HMCN1: variants seen among roughly 807,000 people sequenced by gnomAD.
The protein encoded by HMCN1 is hemicentin-1.
Under a neutral mutation model 625.9 loss-of-function variants are expected in HMCN1, and 321 were observed. That is an observed-to-expected ratio of 0.51 (90% CI 0.47 to 0.56). The LOEUF is 0.56. Ranked by LOEUF, HMCN1 falls within the 20% of genes least tolerant of loss-of-function variation. The probability of loss-of-function intolerance (pLI) is 0.00; values close to 1 mark genes in which losing one functional copy is unlikely to be tolerated. For synonymous variants in HMCN1, 2,425 were observed against 2,417.6 expected (o/e 1.00, Z -0.09); for missense variants, 6,588 against 6,887.3 (o/e 0.96, Z 1.54).
Position 186,130,490 on chromosome 1 carries a change from C to A in HMCN1, c.13040-17C>A, listed in dbSNP as rs188408113. 6.2e-7 allele frequency: 1 copy of A among 1,609,288 alleles called. No homozygotes were observed. The highest frequency in any genetic ancestry group is 1.7e-5 in the Admixed American group (1 of 59,894). On this transcript the variant is annotated splice_polypyrimidine_tract_variant and intron_variant, in intron 84 of 106. Coordinates refer to ENST00000271588, the MANE Select transcript of HMCN1 (RefSeq NM_031935.3). Reference sequence around the variant, plus strand: ...GCACTTACTTTTACTTTGTACCTGTCTTATGTTGTTTTCCAGAACCTCCAG... The same window carrying A: ...GCACTTACTTTTACTTTGTACCTGTATTATGTTGTTTTCCAGAACCTCCAG...
chr1:185,984,861 A>G (rs2102011203), intron 19 of HMCN1, among the ~76,000 whole-genome samples: 2 of 152,298 alleles, frequency 1.3e-5, no homozygotes, highest in South Asian at 4.1e-4. Context: ...TTACATCTCA[A>G]TAATTGACAG....
chr1:186,019,719 T>G, intron 35 of HMCN1, 24 bp downstream of exon 35: 1 of 1,595,416 alleles, frequency 6.3e-7, no homozygotes, highest in Non-Finnish European at 8.6e-7. Context: ...TTACTCAGCC[T>G]AAACTGGGAA....
In HMCN1 at chr1:186,118,612, A is replaced by T. The variant is rs112306241; in HGVS notation, c.11849-579A>T. On this transcript the variant is annotated intron_variant, in intron 77 of 106. Coordinates refer to ENST00000271588, the MANE Select transcript of HMCN1 (RefSeq NM_031935.3). ...AGTGGAAACAATTCAAATGTCCATC[A>T]GCTGATAAATGGATAAATAAAATGT... Among the ~76,000 whole-genome samples the T allele has an allele frequency of 6.8e-3, 1,032 of 152,356 alleles. 7 individuals carry two copies. The highest frequency in any genetic ancestry group is 0.012 in the Non-Finnish European group (811 of 68,024).
intron 102 of HMCN1, among the ~76,000 whole-genome samples, chr1:186,174,075 G>T (rs909859277): frequency 6.6e-6 from 1 of 152,170 alleles, no homozygotes; most frequent in African/African-American, 2.4e-5. Context: ...AGGGGAGTAA[G>T]GTTAAGGCAT....
chr1:185,826,426 C>T (rs766337364), intron 1 of HMCN1, among the ~76,000 whole-genome samples: 27 of 152,138 alleles, frequency 1.8e-4, no homozygotes, highest in African/African-American at 3.4e-4. Context: ...AGGCAGTAGA[C>T]GTTGTAGATT....
intron 30 of HMCN1, among the ~76,000 whole-genome samples, chr1:186,011,000 A>G (rs140005519): frequency 1.4e-4 from 21 of 151,572 alleles, no homozygotes; most frequent in Non-Finnish European, 2.5e-4. Flanking sequence ...ATTCTCTATC[A>G]TCAAAATCAA....
At chr1:186,031,189 T>C (rs1435675831) in intron 36 of HMCN1, among the ~76,000 whole-genome samples, 2 of 152,032 alleles carry the variant, frequency 1.3e-5, no homozygotes, top group African/African-American at 2.4e-5. Flanking sequence ...AACAGGGGTC[T>C]AGCAATGAAT....
At chr1:186,155,398 A>C (rs1006876602) in intron 97 of HMCN1, among the ~76,000 whole-genome samples, 1 of 152,180 alleles carries the variant, frequency 6.6e-6, no homozygotes, top group Non-Finnish European at 1.5e-5. Context: ...ACGAGCTGCC[A>C]GAATGAGGAG....
chr1:186,101,823 T>C (rs1046738157), intron 68 of HMCN1, among the ~76,000 whole-genome samples: 1 of 152,032 alleles, frequency 6.6e-6, no homozygotes, highest in Non-Finnish European at 1.5e-5. Flanking sequence ...TAATTGACTA[T>C]GGCAAACCAG....
intron 4 of HMCN1, among the ~76,000 whole-genome samples, chr1:185,889,320 G>T (rs1435577694): frequency 1.4e-5 from 2 of 142,944 alleles, no homozygotes; most frequent in East Asian, 2.0e-4. Context: ...CTGCCTAATT[G>T]CCCTGGCCAG....
chr1:186,084,425 C>T lies in HMCN1; in HGVS notation c.8884+1464C>T, dbSNP rs539091169. Reference sequence around the variant, plus strand: ...GTTCAGAAATGTGTTTCTTCTTTCACCAGTTAATGATGTCTTGAGTTCCTG... The same window carrying T: ...GTTCAGAAATGTGTTTCTTCTTTCATCAGTTAATGATGTCTTGAGTTCCTG... On this transcript the variant is annotated intron_variant, in intron 57 of 106. Transcript: ENST00000271588. Among the ~76,000 whole-genome samples the T allele has an allele frequency of 1.3e-3, 194 of 152,200 alleles. 1 individual carries two copies. Among genetic ancestry groups the T allele is most frequent in the Non-Finnish European group, 2.3e-3 (156 of 68,014 alleles).
chr1:185,744,268 C>T (rs1204063734), intron 1 of HMCN1, among the ~76,000 whole-genome samples: 1 of 152,084 alleles, frequency 6.6e-6, no homozygotes, highest in East Asian at 1.9e-4. Flanking sequence ...TGCGGGATTA[C>T]AGGCGTGAGC....
chr1:185,752,250 T>G (rs1216089272), intron 1 of HMCN1, among the ~76,000 whole-genome samples: 3 of 152,146 alleles, frequency 2.0e-5, no homozygotes, highest in Admixed American at 6.6e-5. Context: ...ACAGTTTTTT[T>G]GGGTTAGTGG....
chr1:185,784,485 ATCTT>A (rs1657413615), intron 1 of HMCN1, among the ~76,000 whole-genome samples: 1 of 150,942 alleles, frequency 6.6e-6, no homozygotes, highest in Non-Finnish European at 1.5e-5. Flanking sequence ...CTGTTCGGCC[ATCTT>A]GGAACCGCCC....
chr1:185,885,823 G>A (rs1262589923), intron 4 of HMCN1, among the ~76,000 whole-genome samples: 1 of 151,930 alleles, frequency 6.6e-6, no homozygotes, highest in Non-Finnish European at 1.5e-5. Context: ...ACACTTCCAA[G>A]GAAAAATTGA....
rs757883354 is a variant in HMCN1 at position 186,145,830 on chromosome 1, C to T, written c.14515C>T (p.Arg4839Trp). The T allele has an allele frequency of 1.3e-5, 21 of 1,613,942 alleles. No individual in the cohort carries two copies. The highest frequency in any genetic ancestry group is 8.0e-5 in the African/African-American group (6 of 74,908). Residue 4839 changes from arginine to tryptophan, a missense_variant, in exon 93 of 107, where the codon CGG becomes TGG. Arg to Trp is a moderately radical substitution (Grantham distance 101, BLOSUM62 -3). This residue lies in a region of HMCN1 where 1,954 missense variants were observed against 2,013.1 expected (regional missense o/e 0.97). Transcript: ENST00000271588. ...TGGAGGAGGTGAAAAGACTCGGAAG[C>T]GGCTGTGCGACCATCCTGTGCCAGT... The part of the protein sequence containing the change: ...SCGGGEKTRK[R>W]LCDHPVPVKG...
Position 186,041,082 on chromosome 1 carries a change from G to A in HMCN1, c.6250G>A (p.Val2084Met), listed in dbSNP as rs577324065. ...QISDTGRYTC[V>M]AVNAAGEKQR... ...CAGCGACACAGGAAGGTACACCTGC[G>A]TGGCAGTGAATGCTGCTGGAGAAAA... The change falls in exon 40 of 107, where the codon GTG becomes ATG. Residue 2084 changes from valine (V) to methionine (M), a missense_variant. Physicochemically the swap from Val to Met is conservative, Grantham distance 21. Coordinates refer to ENST00000271588, the MANE Select transcript of HMCN1 (RefSeq NM_031935.3). 20 of 1,612,922 alleles carry A rather than the reference G, an allele frequency of 1.2e-5. No homozygotes were observed. In the East Asian group the frequency reaches 2.2e-4, roughly 18 times the overall value.
At chr1:185,913,947 T>G (rs10449224) in intron 6 of HMCN1, among the ~76,000 whole-genome samples, 16,457 of 152,104 alleles carry the variant, frequency 0.11, 2,901 homozygotes, top group African/African-American at 0.37. Flanking sequence ...GAACTCTGTT[T>G]AGACAAGTCT....
intron 28 of HMCN1, among the ~76,000 whole-genome samples, chr1:186,003,103 G>T (rs1653306686): frequency 6.6e-6 from 1 of 152,006 alleles, no homozygotes; most frequent in African/African-American, 2.4e-5. Context: ...CTCCCCTACT[G>T]AAATCCTTTA....
Sources: allele counts gnomAD v4.1 joint callset (sites outside exome capture counted in the v4.1 genomes callset), GRCh38; gene constraint gnomAD v4.1.1; regional missense constraint gnomAD v4.1.1; transcripts MANE v1.5; gene names NCBI Gene and HGNC (gene_info 2026-07-23, HGNC 2026-07-21).